The following PDZRN4 variants were observed in gnomAD, a reference collection of about 807,000 sequenced individuals.
The protein encoded by PDZRN4 is PDZ domain-containing RING finger protein 4.
PDZRN4 carries 70 observed loss-of-function variants against 99.0 expected under a neutral mutation model. The observed-to-expected ratio is 0.71, with a 90% CI of 0.58 to 0.86. PDZRN4 has a LOEUF of 0.86. PDZRN4 is among the 40% of genes least tolerant of loss of function. The probability of loss-of-function intolerance (pLI) is 0.00; values close to 1 mark genes in which losing one functional copy is unlikely to be tolerated. For synonymous variants in PDZRN4, 551 were observed against 501.6 expected (o/e 1.10, Z -1.32); for missense variants, 1,474 against 1,331.2 (o/e 1.11, Z -1.67).
At position 41,240,325 on chromosome 12, in the gene PDZRN4, C is replaced by T. The variant is rs375718225; in HGVS notation, c.843+46137C>T. Among the ~76,000 whole-genome samples the T allele has an allele frequency of 1.9e-3, 283 of 152,206 alleles. 2 individuals are homozygous for T. The highest frequency in any genetic ancestry group is 6.5e-3 in the African/African-American group (268 of 41,534). On this transcript the variant is annotated intron_variant, in intron 3 of 9. Coordinates refer to ENST00000402685, the MANE Select transcript of PDZRN4 (RefSeq NM_001164595.2). ...TAATGAGATTCAATTCCCATATGTG[C>T]ATCTAAGGACCACACAAGGCCCTGT...
At chr12:41,569,230 C>T (rs1204626945) in intron 9 of PDZRN4, among the ~76,000 whole-genome samples, 1 of 152,138 alleles carries the variant, frequency 6.6e-6, no homozygotes, top group Non-Finnish European at 1.5e-5. Flanking sequence ...AGCGATTCTC[C>T]TGCCTCAGCC....
rs531660210 is a variant in PDZRN4, at chr12:41,293,616, A to G, written c.843+99428A>G. Among the ~76,000 whole-genome samples the G allele has an allele frequency of 1.1e-4, 16 of 152,274 alleles. 1 individual carries two copies. In the South Asian group the frequency reaches 2.1e-3, roughly 20 times the overall value. On this transcript the variant is annotated intron_variant, in intron 3 of 9. Coordinates refer to ENST00000402685, the MANE Select transcript of PDZRN4 (RefSeq NM_001164595.2). ...CTCACCATTAATGCATATCCCTGGT[A>G]TGTTGTACTCCAAGTAGAGGCAGAA...
chr12:41,322,487 C>T (rs1454549634), intron 3 of PDZRN4, among the ~76,000 whole-genome samples: 9 of 91,212 alleles, frequency 9.9e-5, no homozygotes, highest in African/African-American at 2.8e-4. Flanking sequence ...ATTTTCTTTC[C>T]TTTTTTTTTT....
chr12:41,517,067 C>G (rs755639101), intron 5 of PDZRN4, among the ~76,000 whole-genome samples: 3 of 151,926 alleles, frequency 2.0e-5, no homozygotes, highest in Non-Finnish European at 4.4e-5. Flanking sequence ...TCTTACTGAA[C>G]GAAACAAGAT....
intron 3 of PDZRN4, among the ~76,000 whole-genome samples, chr12:41,418,925 C>T (rs1421000032): frequency 6.6e-6 from 1 of 152,130 alleles, no homozygotes; most frequent in Non-Finnish European, 1.5e-5. Flanking sequence ...TGACAAATCT[C>T]CCCTTGCAAT....
intron 3 of PDZRN4, among the ~76,000 whole-genome samples, chr12:41,445,133 G>A (rs1167261648): frequency 6.6e-6 from 1 of 151,976 alleles, no homozygotes; most frequent in East Asian, 1.9e-4. Flanking sequence ...ATGGAATACT[G>A]TAGGAAAACA....
At chr12:41,408,071 C>A (rs999732281) in intron 3 of PDZRN4, among the ~76,000 whole-genome samples, 4 of 152,104 alleles carry the variant, frequency 2.6e-5, no homozygotes, top group African/African-American at 7.2e-5. Context: ...GAGAAATATA[C>A]ACTTAATAAT....
At chr12:41,412,515 A>T (rs1462813906) in intron 3 of PDZRN4, 1 of 152,170 alleles carries the variant, frequency 6.6e-6, no homozygotes, top group East Asian at 1.9e-4. Context: ...GACGGGTGAT[A>T]ACAGGTGACA....
intron 3 of PDZRN4, among the ~76,000 whole-genome samples, chr12:41,208,399 G>A (rs1347350018): frequency 6.6e-6 from 1 of 151,872 alleles, no homozygotes; most frequent in Admixed American, 6.6e-5. Context: ...TCATCTTCAT[G>A]TATATTGTCT....
intron 3 of PDZRN4, among the ~76,000 whole-genome samples, chr12:41,440,974 T>A (rs1952674402): frequency 6.6e-6 from 1 of 152,158 alleles, no homozygotes; most frequent in Non-Finnish European, 1.5e-5. Context: ...TCTGACCTAA[T>A]AACAGATTTA....
At chr12:41,431,952 A>G (rs1234107238) in intron 3 of PDZRN4, among the ~76,000 whole-genome samples, 2 of 152,214 alleles carry the variant, frequency 1.3e-5, no homozygotes, top group African/African-American at 2.4e-5. Flanking sequence ...GCAAAGTTCT[A>G]GGTTTTCCAG....
At position 41,552,770 on chromosome 12, in the gene PDZRN4, G is replaced by C. The variant is rs747077314; in HGVS notation, c.1302+16G>C. On this transcript the variant is annotated intron_variant, in intron 6 of 9. Transcript: ENST00000402685. The stretch of plus-strand genomic sequence containing the variant: ...TGTCAGCGAGGTAAGAAACGCCATG[G>C]AGGGGAAATTCGAGGAGGGAGACTA... The C allele has an allele frequency of 6.3e-7, 1 of 1,595,526 alleles. No homozygotes were observed. The highest frequency in any genetic ancestry group is 8.6e-7 in the Non-Finnish European group (1 of 1,163,534).
chr12:41,223,746 T>C (rs1950973926), intron 3 of PDZRN4, among the ~76,000 whole-genome samples: 1 of 152,258 alleles, frequency 6.6e-6, no homozygotes, highest in South Asian at 2.1e-4. Context: ...TGACAGCTCC[T>C]CAGCCCCATT....
intron 3 of PDZRN4, among the ~76,000 whole-genome samples, chr12:41,392,294 T>C (rs12300045): frequency 0.033 from 4,985 of 152,216 alleles, 118 homozygotes; most frequent in African/African-American, 0.071. Context: ...TCACTGGGAC[T>C]CAGTGTACAT....
At chr12:41,357,195 A>C (rs529648150) in intron 3 of PDZRN4, among the ~76,000 whole-genome samples, 2 of 151,744 alleles carry the variant, frequency 1.3e-5, no homozygotes, top group Admixed American at 6.6e-5. Context: ...TCTCACACCC[A>C]CACACAAAAA....
At chr12:41,484,365 T>A (rs909084397) in intron 3 of PDZRN4, among the ~76,000 whole-genome samples, 4 of 152,230 alleles carry the variant, frequency 2.6e-5, no homozygotes, top group African/African-American at 9.6e-5. Flanking sequence ...ACTAACTTGA[T>A]ATTGTTAACC....
At chr12:41,384,996 A>G (rs1165449372) in intron 3 of PDZRN4, among the ~76,000 whole-genome samples, 1 of 152,194 alleles carries the variant, frequency 6.6e-6, no homozygotes, top group East Asian at 1.9e-4. Flanking sequence ...TGAATCCTAC[A>G]TTCTCAATTT....
At chr12:41,509,372 T>C (rs1372907031) in intron 4 of PDZRN4, among the ~76,000 whole-genome samples, 2 of 152,096 alleles carry the variant, frequency 1.3e-5, no homozygotes, top group Non-Finnish European at 2.9e-5. Context: ...AAAATGGTTT[T>C]CAAAAAATAG....
chr12:41,240,071 G>A (rs1457049964), intron 3 of PDZRN4, among the ~76,000 whole-genome samples: 5 of 152,102 alleles, frequency 3.3e-5, no homozygotes, highest in Non-Finnish European at 2.9e-5. Flanking sequence ...CTGAAAATGC[G>A]GCAAATTGTA....
Sources: gnomAD v4.1 joint callset for allele counts (sites outside exome capture counted in the v4.1 genomes callset) on GRCh38, gnomAD v4.1.1 for gene constraint, MANE v1.5 for transcripts, NCBI Gene and HGNC (gene_info 2026-07-23, HGNC 2026-07-21) for gene names.